Variants in DNAH3 observed in about 807,000 individuals in gnomAD.
DNAH3 encodes the protein axonemal beta dynein heavy chain 3.
In DNAH3, 332 loss-of-function variants were observed where a neutral mutation model predicts 432.5. The observed-to-expected ratio is 0.77, with a 90% confidence interval of 0.70 to 0.84. The LOEUF is 0.84. DNAH3 is among the 40% of genes least tolerant of loss of function. DNAH3 has a pLI of 0.00. For missense variants in DNAH3, 4,861 were observed against 5,114.0 expected (o/e 0.95, Z 1.51); for synonymous variants, 1,956 against 1,900.2 (o/e 1.03, Z -0.76).
chr16:21,134,075 G>A (rs1266379634), intron 7 of DNAH3, 184 bp downstream of exon 8: 14 of 563,670 alleles, frequency 2.5e-5, no homozygotes, highest in Non-Finnish European at 4.3e-5. Context: ...ACACAAAGGA[G>A]GGCCACGTAA....
chr16:21,121,890 T>G (rs1017694686), intron 10 of DNAH3, 55 bp downstream of exon 11: 1 of 1,490,330 alleles, frequency 6.7e-7, no homozygotes, highest in Admixed American at 2.0e-5. Flanking sequence ...TTTCAATACA[T>G]TTTATTCACT....
intron 5 of DNAH3, among the ~76,000 whole-genome samples, chr16:21,137,935 G>A (rs2092665855): frequency 6.6e-6 from 1 of 152,034 alleles, no homozygotes; most frequent in African/African-American, 2.4e-5. Flanking sequence ...CTTGAAGTCT[G>A]TTTTTAAGTT....
At chr16:20,959,476 CA>C (rs1304747525) in intron 53 of DNAH3, 72 bp from the exon 54 acceptor site, 2 of 1,450,472 alleles carry the variant, frequency 1.4e-6, no homozygotes, top group Non-Finnish European at 1.9e-6. Flanking sequence ...GCTATATCAA[CA>C]ATAACAACAT....
intron 21 of DNAH3, among the ~76,000 whole-genome samples, chr16:21,071,153 C>G (rs777511918): frequency 3.9e-5 from 6 of 152,126 alleles, no homozygotes; most frequent in Non-Finnish European, 8.8e-5. Context: ...AGTGATTCTC[C>G]TGCCTCAGCC....
At chr16:20,970,387 G>A (rs1055543356) in intron 51 of DNAH3, among the ~76,000 whole-genome samples, 2 of 152,146 alleles carry the variant, frequency 1.3e-5, no homozygotes, top group African/African-American at 4.8e-5. Context: ...AGCCAGGCGT[G>A]GTGGTGGGCG....
intron 32 of DNAH3, among the ~76,000 whole-genome samples, chr16:21,040,557 G>C (rs535933193): frequency 2.6e-5 from 4 of 151,358 alleles, no homozygotes; most frequent in East Asian, 3.9e-4. Flanking sequence ...GTAGAGATGG[G>C]GTTTCATCAT....
At chr16:21,123,547 G>A (rs2092387805) in intron 9 of DNAH3, among the ~76,000 whole-genome samples, 1 of 152,150 alleles carries the variant, frequency 6.6e-6, no homozygotes. Flanking sequence ...TCTTTAGAGA[G>A]CTAACATTGC....
At chr16:21,000,395 T>A (rs1467241653) in exon 43 of DNAH3, 1 of 1,614,130 alleles carries the variant, frequency 6.2e-7, no homozygotes, top group East Asian at 2.2e-5. Context: ...AAGTTGTTGG[T>A]GATGGCTGAT....
At chr16:20,987,176 T>C (rs1199009763) in intron 47 of DNAH3, 129 bp downstream of exon 47, 2 of 1,169,274 alleles carry the variant, frequency 1.7e-6, no homozygotes, top group Non-Finnish European at 2.4e-6. Flanking sequence ...GTTGACTCAA[T>C]ACTGTTTCCC....
At chr16:21,039,632 G>A (rs145551149) in intron 33 of DNAH3, among the ~76,000 whole-genome samples, 2 of 152,116 alleles carry the variant, frequency 1.3e-5, no homozygotes, top group Non-Finnish European at 2.9e-5. Context: ...TGTATGTAAA[G>A]AGACAGCAGG....
At chr16:21,031,175 C>A in exon 37 of DNAH3, 1 of 1,614,120 alleles carries the variant, frequency 6.2e-7, no homozygotes. Context: ...GGCAAGGACA[C>A]CATCCATCCA....
intron 53 of DNAH3, among the ~76,000 whole-genome samples, chr16:20,961,800 T>C (rs2084836737): frequency 6.7e-6 from 1 of 148,480 alleles, no homozygotes; most frequent in Non-Finnish European, 1.5e-5. Flanking sequence ...TTTGCTCTTG[T>C]TGCCCAGGCT....
At chr16:20,955,530 G>A (rs1352232084) in intron 54 of DNAH3, among the ~76,000 whole-genome samples, 1 of 151,468 alleles carries the variant, frequency 6.6e-6, no homozygotes, top group African/African-American at 2.4e-5. Flanking sequence ...GAACTCCAGG[G>A]CTCAAGTGAT....
At chr16:21,123,615 T>TA (rs1290439275) in intron 9 of DNAH3, among the ~76,000 whole-genome samples, 15 of 152,304 alleles carry the variant, frequency 9.8e-5, no homozygotes, top group African/African-American at 3.6e-4. Flanking sequence ...TAATCTTTAT[T>TA]ACTTCATTTG....
exon 1 of DNAH3, chr16:21,159,396 G>C (rs1392198065): frequency 6.2e-7 from 1 of 1,614,112 alleles, no homozygotes; most frequent in East Asian, 2.2e-5. Flanking sequence ...GGGCCCGGAT[G>C]GGGAGGGGCG....
At chr16:21,090,252 A>C (rs2091491274) in intron 18 of DNAH3, among the ~76,000 whole-genome samples, 3 of 151,822 alleles carry the variant, frequency 2.0e-5, no homozygotes. Context: ...CAAACATTAG[A>C]AGAAGAAAAA....
At chr16:21,081,787 C>T (rs2091197164) in intron 19 of DNAH3, 60 bp from the exon 20 acceptor site, 1 of 1,394,384 alleles carries the variant, frequency 7.2e-7, no homozygotes, top group South Asian at 1.2e-5. Context: ...CCAGTAGAAC[C>T]TTCTGTGATG....
chr16:20,982,954 A>G, intron 48 of DNAH3, 68 bp from the exon 49 acceptor site: 1 of 1,574,448 alleles, frequency 6.4e-7, no homozygotes, highest in African/African-American at 1.3e-5. Context: ...GCAGGCGGGT[A>G]TTCCCAAGGA....
chr16:20,967,687 T>G (rs2085126987), intron 52 of DNAH3, among the ~76,000 whole-genome samples: 1 of 151,650 alleles, frequency 6.6e-6, no homozygotes, highest in African/African-American at 2.4e-5. Flanking sequence ...TTGGTATTTT[T>G]AGTAGAGACA....
Sources: allele counts gnomAD v4.1 joint callset (sites outside exome capture counted in the v4.1 genomes callset), GRCh38; gene constraint gnomAD v4.1.1; transcripts MANE v1.5; gene names NCBI Gene and HGNC (gene_info 2026-07-23, HGNC 2026-07-21).